Variants in EXOSC1 observed in about 807,000 individuals in gnomAD.
EXOSC1 encodes exosome component 1.
In EXOSC1, 27 loss-of-function variants were observed where a neutral mutation model predicts 31.4. That is an observed-to-expected ratio of 0.86 (90% CI 0.63 to 1.18). The LOEUF (loss-of-function observed/expected upper bound fraction) is 1.18. EXOSC1 is among the 50% of genes most tolerant of loss of function. EXOSC1 has a pLI of 0.00. For synonymous variants in EXOSC1, 84 were observed against 89.5 expected (o/e 0.94, Z 0.35); for missense variants, 228 against 250.3 (o/e 0.91, Z 0.60).
chr10:97,437,597 C>G, intron 6 of EXOSC1, 103 bp downstream of exon 6: 1 of 1,078,798 alleles, frequency 9.3e-7, no homozygotes. Context: ...ATCCACCCGC[C>G]CTGGCCTCCG....
At chr10:97,441,136 G>A in intron 4 of EXOSC1, 35 bp downstream of exon 4, 1 of 1,534,050 alleles carries the variant, frequency 6.5e-7, no homozygotes, top group South Asian at 1.1e-5. Context: ...TCTTATTCCA[G>A]TTGCTAAGGT....
chr10:97,442,971 A>G (rs1411949954), intron 3 of EXOSC1, among the ~76,000 whole-genome samples: 1 of 152,120 alleles, frequency 6.6e-6, no homozygotes, highest in African/African-American at 2.4e-5. Context: ...GATTACAAGC[A>G]TGAGCCACCA....
Position 97,445,950 on chromosome 10 carries a change from C to CT in EXOSC1, c.31+4dup, listed in dbSNP as rs753217902. 5.0e-6 allele frequency: 8 copies of CT among 1,614,112 alleles called. No homozygotes were observed. In the African/African-American group the frequency reaches 1.1e-4, roughly 22 times the overall value. On this transcript the variant is annotated splice_donor_region_variant and intron_variant, in intron 1 of 7. Transcript: ENST00000370902. Reference sequence around the variant, plus strand: ...CAGGACTCTGTACGGGAAGCGCTCACTTACCGGGGATGCAGTATCTCACAG... The same window carrying CT: ...CAGGACTCTGTACGGGAAGCGCTCACTTTACCGGGGATGCAGTATCTCACAG...
rs761413276 is a variant in EXOSC1 at position 97,445,956 on chromosome 10, G to A, written c.30C>T (p.Pro10=). ...TCTGTACGGGAAGCGCTCACTTACCGGGGATGCAGTATCTCACAGGTGGCG... is the reference window on the plus strand; with the variant it reads ...TCTGTACGGGAAGCGCTCACTTACCAGGGATGCAGTATCTCACAGGTGGCG... MAPPVRYCI[P]GERLCNLEEG... The change falls in exon 1 of 8, where the codon CCC becomes CCT. Residue 10 remains proline (P), a splice_region_variant and synonymous_variant. Transcript: ENST00000370902. 6.8e-6 allele frequency: 11 copies of A among 1,614,182 alleles called. No homozygotes were observed.
intron 7 of EXOSC1, among the ~76,000 whole-genome samples, 178 bp from the exon 8 acceptor site, chr10:97,436,729 A>G (rs1346838513): frequency 2.6e-5 from 4 of 152,210 alleles, no homozygotes; most frequent in Non-Finnish European, 5.9e-5. Context: ...TTGGATTTAT[A>G]TAAGGAGAAT....
rs1171190294 is a variant in EXOSC1 at position 97,445,863 on chromosome 10, T to G, written c.32-16A>C. The G allele has an allele frequency of 6.2e-7, 1 of 1,613,842 alleles. No homozygotes were observed. The highest frequency in any genetic ancestry group is 2.2e-5 in the East Asian group (1 of 44,858). On this transcript the variant is annotated splice_polypyrimidine_tract_variant and intron_variant, in intron 1 of 7. Transcript: ENST00000370902. ...AGACGTTCGCCTGCAGAAAAAATGC[T>G]GCATCGGTCACGGGCCCCCAGAAGC...
rs1261725340 is a variant in EXOSC1 at position 97,436,378 on chromosome 10, G to C, written c.*67C>G. The C allele has an allele frequency of 8.2e-7, 1 of 1,215,678 alleles. No homozygotes were observed. Among genetic ancestry groups the C allele is most frequent in the Non-Finnish European group, 1.2e-6 (1 of 831,176 alleles). The allele number at this position is 1,215,678 out of a possible 1,614,324, so 75.3% of individuals were successfully genotyped here. A position where few individuals can be genotyped will look rare whatever the true frequency, so the allele number is the denominator to read the frequency against. ...GGCCGACGCCAGGTGTTTGAATAAA[G>C]ACAGCAGCATCTTGGTGTTATACTC... On this transcript the variant is annotated 3_prime_UTR_variant, in exon 8 of 8. Coordinates refer to ENST00000370902, the MANE Select transcript of EXOSC1 (RefSeq NM_016046.5).
At chr10:97,437,861 C>T (rs1276044454) in intron 5 of EXOSC1, 111 bp from the exon 6 acceptor site, 4 of 822,358 alleles carry the variant, frequency 4.9e-6, no homozygotes, top group Non-Finnish European at 8.1e-6. Context: ...GGGTAGAAAT[C>T]ATCATTACTC....
At chr10:97,438,015 G>A (rs1230178966) in intron 5 of EXOSC1, among the ~76,000 whole-genome samples, 3 of 152,008 alleles carry the variant, frequency 2.0e-5, no homozygotes, top group Non-Finnish European at 4.4e-5. Context: ...TGCCTCCCGG[G>A]TTCAAGCGAT....
Position 97,437,251 on chromosome 10 carries a change from T to C in EXOSC1, c.421A>G (p.Asn141Asp). 6.2e-7 allele frequency: 1 copy of C among 1,614,092 alleles called. No individual in the cohort carries two copies. Among genetic ancestry groups the C allele is most frequent in the Non-Finnish European group, 8.5e-7 (1 of 1,179,966 alleles). Residue 141 changes from asparagine (N) to aspartate (D), a missense_variant, in exon 7 of 8, where the codon AAC (asparagine) becomes GAC (aspartate). Physicochemically the swap from Asn to Asp is conservative, Grantham distance 23 (BLOSUM62 1). Coordinates refer to ENST00000370902, the MANE Select transcript of EXOSC1 (RefSeq NM_016046.5). The part of the protein sequence containing the change: ...KVISLGDAQS[N>D]YLLTTAENEL... ...TTCTCGGCGGTGGTTAGCAGGTAGT[T>C]GGACTGTGCATCACCTAAGGAGATC...
chr10:97,437,681 T>A lies in EXOSC1; in HGVS notation c.396+19A>T. On this transcript the variant is annotated intron_variant, in intron 6 of 7. Transcript: ENST00000370902. ...TTCTTTTGACAAAGGACCAGAAGTC[T>A]GCTGGGAATAAAGGATACCACTTTG... The A allele has an allele frequency of 6.2e-7, 1 of 1,611,554 alleles. No homozygotes were observed. Among genetic ancestry groups the A allele is most frequent in the Non-Finnish European group, 8.5e-7 (1 of 1,177,976 alleles).
intron 5 of EXOSC1, among the ~76,000 whole-genome samples, chr10:97,438,224 CT>C (rs533867680): frequency 2.7e-5 from 4 of 150,076 alleles, no homozygotes; most frequent in Admixed American, 1.3e-4. Flanking sequence ...GCCCTTTTTT[CT>C]TTTTTTTTAA....
In EXOSC1 at chr10:97,443,253, G is replaced by T. The variant is rs368996987; in HGVS notation, c.206C>A (p.Ala69Asp). Residue 69 changes from alanine (A) to aspartate (D), a missense_variant, in exon 3 of 8, where the codon GCT (alanine) becomes GAT (aspartate). Ala to Asp is a moderately radical substitution (Grantham distance 126). Transcript: ENST00000370902. Reference protein sequence around the residue: ...TESQLLPDVGAIVTCKVSSIN... With the variant: ...TESQLLPDVGDIVTCKVSSIN... ...CCAACTTACCTTACAGGTTACAATA[G>T]CTCCCACATCTGGCAGTAACTGGGA... The T allele has an allele frequency of 5.0e-6, 8 of 1,613,918 alleles. No individual in the cohort carries two copies. The highest frequency in any genetic ancestry group is 6.8e-6 in the Non-Finnish European group (8 of 1,179,964).
chr10:97,439,264 G>A (rs991322923), intron 4 of EXOSC1, among the ~76,000 whole-genome samples: 1 of 152,224 alleles, frequency 6.6e-6, no homozygotes, highest in Non-Finnish European at 1.5e-5. Context: ...CTCAGGGCTT[G>A]AACAGAAGCA....
At position 97,438,834 on chromosome 10, in the gene EXOSC1, C is replaced by T. The variant is rs991129488; in HGVS notation, c.312-131G>A. 1.3e-5 allele frequency: 9 copies of T among 682,940 alleles called. No homozygotes were observed. The South Asian group carries it at 1.6e-4, about 12-fold the overall frequency. 42.3% of individuals were successfully genotyped at this position (682,940 alleles called of 1,614,324 possible). On this transcript the variant is annotated intron_variant, in intron 4 of 7. Coordinates refer to ENST00000370902, the MANE Select transcript of EXOSC1 (RefSeq NM_016046.5). ...GTGGCGCAATTTTGCTCACTGCAACCTCCGCCTCCTGGGTTCAAGCAATTC... is the reference window on the plus strand; with the variant it reads ...GTGGCGCAATTTTGCTCACTGCAACTTCCGCCTCCTGGGTTCAAGCAATTC...
rs769739512 is a variant in EXOSC1, at chr10:97,437,728, C to T, written c.368G>A (p.Arg123His). Reference protein sequence around the residue: ...KDKVEIYKSFRPGDIVLAKVI... With the variant: ...KDKVEIYKSFHPGDIVLAKVI... ...TTTGGCCAAGACAATGTCACCTGGGCGGAAACTCTTATAAATTTCAACCTG... is the reference window on the plus strand; with the variant it reads ...TTTGGCCAAGACAATGTCACCTGGGTGGAAACTCTTATAAATTTCAACCTG... The change falls in exon 6 of 8, where the codon CGC becomes CAC. Residue 123 changes from arginine (R) to histidine (H), a missense_variant. By Grantham distance (29) the Arg-to-His change is conservative. Transcript: ENST00000370902. 8.7e-6 allele frequency: 14 copies of T among 1,612,946 alleles called. No individual in the cohort carries two copies. Among genetic ancestry groups the T allele is most frequent in the South Asian group, 4.4e-5 (4 of 91,068 alleles).
At chr10:97,438,749 AAT>A in intron 4 of EXOSC1, 46 bp from the exon 5 acceptor site, 1 of 1,362,324 alleles carries the variant, frequency 7.3e-7, no homozygotes, top group South Asian at 1.2e-5. Flanking sequence ...TGTGAGAAAG[AAT>A]TTTTTTTTTT....
intron 4 of EXOSC1, 147 bp downstream of exon 4, chr10:97,441,024 T>C: frequency 3.2e-6 from 2 of 623,272 alleles, no homozygotes; most frequent in Non-Finnish European, 5.6e-6. Flanking sequence ...TTTTGGATAC[T>C]ACTAGGGGAG....
At chr10:97,441,305 A>G (rs1197579676) in intron 3 of EXOSC1, 46 bp from the exon 4 acceptor site, 5 of 1,543,302 alleles carry the variant, frequency 3.2e-6, no homozygotes, top group African/African-American at 1.4e-5. Flanking sequence ...AGCAGTTGTC[A>G]GCTCAAGGAG....
Sources: gnomAD v4.1 joint callset for allele counts (sites outside exome capture counted in the v4.1 genomes callset) on GRCh38, gnomAD v4.1.1 for gene constraint, MANE v1.5 for transcripts, NCBI Gene and HGNC (gene_info 2026-07-23, HGNC 2026-07-21) for gene names.